GNG2: variants seen among roughly 807,000 people sequenced by gnomAD.
The protein encoded by GNG2 is G protein subunit gamma 2, also known as guanine nucleotide-binding protein G(I)/G(S)/G(O) subunit gamma-2.
In GNG2, 5 loss-of-function variants were observed where a neutral mutation model predicts 5.5. The observed-to-expected ratio is 0.91, with a 90% CI of 0.48 to 1.92. GNG2 has a LOEUF of 1.92. Among genes scored for constraint, GNG2 ranks in the 30% most tolerant of loss-of-function variants. GNG2 has a pLI of 0.01. For synonymous variants in GNG2, 28 were observed against 32.0 expected (o/e 0.88, Z 0.42); for missense variants, 55 against 88.4 (o/e 0.62, Z 1.52).
At chr14:51,956,900 T>C (rs1889304483) in intron 3 of GNG2, among the ~76,000 whole-genome samples, 1 of 152,156 alleles carries the variant, frequency 6.6e-6, no homozygotes, top group Non-Finnish European at 1.5e-5. Context: ...GACAACTGCT[T>C]CATCTTGGCA....
At chr14:51,902,691 A>C (rs1285802738) in intron 2 of GNG2, among the ~76,000 whole-genome samples, 5 of 152,192 alleles carry the variant, frequency 3.3e-5, no homozygotes, top group Admixed American at 2.6e-4. Flanking sequence ...CAAGAGTTCA[A>C]GACCAGCCTG....
chr14:51,833,017 GA>G (rs1410321902), intron 2 of GNG2, among the ~76,000 whole-genome samples: 1 of 152,132 alleles, frequency 6.6e-6, no homozygotes. Flanking sequence ...GCCTTTCAGA[GA>G]TTGGAAAAAT....
At chr14:51,898,143 T>A (rs1885323759) in intron 2 of GNG2, among the ~76,000 whole-genome samples, 2 of 152,238 alleles carry the variant, frequency 1.3e-5, no homozygotes, top group Non-Finnish European at 2.9e-5. Context: ...GATCTCATTT[T>A]CTAAAAATTT....
intron 2 of GNG2, among the ~76,000 whole-genome samples, chr14:51,837,416 G>A (rs1348779054): frequency 1.3e-5 from 2 of 151,820 alleles, no homozygotes; most frequent in Non-Finnish European, 2.9e-5. Context: ...AGGCTGAGGC[G>A]GGTGGATCAC....
chr14:51,848,044 C>A (rs760817857), intron 2 of GNG2, among the ~76,000 whole-genome samples: 6 of 152,026 alleles, frequency 3.9e-5, no homozygotes, highest in Non-Finnish European at 7.4e-5. Context: ...CCTCCACTCT[C>A]TTGAGTCCAT....
chr14:51,963,667 G>A (rs1889740228), intron 3 of GNG2, among the ~76,000 whole-genome samples: 1 of 152,148 alleles, frequency 6.6e-6, no homozygotes, highest in Non-Finnish European at 1.5e-5. Context: ...ATATGCAGAT[G>A]GCTGTGGCTT....
At chr14:51,883,096 C>A (rs1884211460) in intron 2 of GNG2, among the ~76,000 whole-genome samples, 1 of 151,720 alleles carries the variant, frequency 6.6e-6, no homozygotes, top group African/African-American at 2.4e-5. Flanking sequence ...TAACAAATTT[C>A]ATATATATAA....
rs563336434 is a variant in GNG2, at chr14:51,931,829, G to A, written c.-29-18821G>A. ...CATATGATTCAGCAATGCCTCTTCT[G>A]GGTATGTATCAAAAGAATTGAAAGC... On this transcript the variant is annotated intron_variant, in intron 2 of 3. Coordinates refer to ENST00000556766, the MANE Select transcript of GNG2 (RefSeq NM_053064.5). 2.0e-4 allele frequency among the ~76,000 whole-genome samples: 30 copies of A among 152,306 alleles called. No individual in the cohort carries two copies. The South Asian group carries it at 2.9e-3, about 15-fold the overall frequency.
chr14:51,885,514 C>G (rs1884387396), intron 2 of GNG2, among the ~76,000 whole-genome samples: 1 of 151,946 alleles, frequency 6.6e-6, no homozygotes, highest in Admixed American at 6.6e-5. Flanking sequence ...ATAATGAATA[C>G]AAGGATAGAG....
chr14:51,936,345 T>TG (rs1888002006), intron 2 of GNG2, among the ~76,000 whole-genome samples: 2 of 152,164 alleles, frequency 1.3e-5, no homozygotes, highest in Admixed American at 6.5e-5. Context: ...GGAAGTGCTC[T>TG]TGGTACCTGG....
At chr14:51,879,712 T>C (rs577628540) in intron 2 of GNG2, among the ~76,000 whole-genome samples, 2 of 152,342 alleles carry the variant, frequency 1.3e-5, no homozygotes, top group African/African-American at 4.8e-5. Context: ...TCCCATCTTC[T>C]TAATTTTTAG....
chr14:51,840,616 T>C (rs990940451), intron 2 of GNG2, among the ~76,000 whole-genome samples: 5 of 152,228 alleles, frequency 3.3e-5, no homozygotes, highest in Non-Finnish European at 1.5e-5. Context: ...ATTCATTCTG[T>C]TGCCTCCAAA....
At chr14:51,899,312 C>T (rs941391394) in intron 2 of GNG2, among the ~76,000 whole-genome samples, 2 of 152,154 alleles carry the variant, frequency 1.3e-5, no homozygotes, top group Non-Finnish European at 2.9e-5. Context: ...TCTGAGCCAG[C>T]CCTACTCCCT....
chr14:51,936,638 A>G (rs1259959248), intron 2 of GNG2, among the ~76,000 whole-genome samples: 1 of 151,048 alleles, frequency 6.6e-6, no homozygotes, highest in East Asian at 2.0e-4. Context: ...GCAGCCTCAG[A>G]CTTCTGGCTC....
intron 2 of GNG2, among the ~76,000 whole-genome samples, chr14:51,893,101 C>T (rs535001438): frequency 3.9e-5 from 6 of 152,336 alleles, no homozygotes; most frequent in African/African-American, 1.4e-4. Context: ...ACCTGTCATA[C>T]ATCCATGCTT....
intron 2 of GNG2, among the ~76,000 whole-genome samples, chr14:51,936,206 A>G (rs893412858): frequency 2.0e-5 from 3 of 152,114 alleles, no homozygotes; most frequent in African/African-American, 7.2e-5. Flanking sequence ...TATAAAAGGG[A>G]TTTCTGTTTT....
At chr14:51,901,341 C>T (rs538932162) in intron 2 of GNG2, among the ~76,000 whole-genome samples, 3 of 152,102 alleles carry the variant, frequency 2.0e-5, no homozygotes, top group Admixed American at 1.3e-4. Context: ...TGTGCACCAC[C>T]ATGCCCAGCT....
At chr14:51,908,412 C>T (rs1302152737) in intron 2 of GNG2, among the ~76,000 whole-genome samples, 1 of 152,178 alleles carries the variant, frequency 6.6e-6, no homozygotes, top group Non-Finnish European at 1.5e-5. Context: ...CTACCACAGG[C>T]CCAAATGCCT....
intron 2 of GNG2, among the ~76,000 whole-genome samples, chr14:51,928,852 C>T (rs763534807): frequency 6.6e-6 from 1 of 151,504 alleles, no homozygotes; most frequent in Non-Finnish European, 1.5e-5. Context: ...GATTTACAGG[C>T]GTGAGCCACC....
Sources: allele counts gnomAD v4.1 joint callset (sites outside exome capture counted in the v4.1 genomes callset), GRCh38; gene constraint gnomAD v4.1.1; transcripts MANE v1.5; gene names NCBI Gene and HGNC (gene_info 2026-07-23, HGNC 2026-07-21).